The following LYPLAL1 variants were observed in gnomAD, a reference collection of about 807,000 sequenced individuals.
LYPLAL1 encodes the protein lysophospholipase like 1.
A neutral mutation model predicts 19.7 loss-of-function variants in LYPLAL1; 23 were observed. The ratio of observed to expected loss-of-function variants is 1.17; its 90% CI spans 0.84 to 1.65. The LOEUF (loss-of-function observed/expected upper bound fraction) is 1.65. Ranked by LOEUF, LYPLAL1 falls within the 40% of genes most tolerant of loss-of-function variation. LYPLAL1 has a pLI of 0.00. For synonymous variants in LYPLAL1, 119 were observed against 96.3 expected, an observed-to-expected ratio of 1.24 and a Z score of -1.38; for missense variants, 355 against 279.4, an observed-to-expected ratio of 1.27 and a Z score of -1.93.
At chr1:219,390,786 C>A in the LYPLAL1 span, among the ~76,000 whole-genome samples, 5 of 152,086 alleles carry the variant, frequency 3.3e-5, no homozygotes, top group East Asian at 9.6e-4. Flanking sequence ...AAATTTGTTA[C>A]CTTTTTATCT....
chr1:219,293,285 G>A, the LYPLAL1 span, among the ~76,000 whole-genome samples: 1 of 152,068 alleles, frequency 6.6e-6, no homozygotes, highest in Non-Finnish European at 1.5e-5. Context: ...AAAAGGGTGA[G>A]AGAGATAGTA....
chr1:219,210,897 T>G (rs1232916572), intron 4 of LYPLAL1, among the ~76,000 whole-genome samples: 1 of 152,086 alleles, frequency 6.6e-6, no homozygotes, highest in Non-Finnish European at 1.5e-5. Flanking sequence ...GATAATCATG[T>G]GTGTGGTTGT....
Position 219,199,219 on chromosome 1 carries a change from C to T in LYPLAL1, c.361+5968C>T, listed in dbSNP as rs563219703. Reference sequence around the variant, plus strand: ...TTCTTTTAGGTATGATTAGAATATCCGAAGATAAGTTAGAAACTCCTCTTT... The same window carrying T: ...TTCTTTTAGGTATGATTAGAATATCTGAAGATAAGTTAGAAACTCCTCTTT... On this transcript the variant is annotated intron_variant, in intron 3 of 4. Transcript: ENST00000366928. 8.5e-5 allele frequency among the ~76,000 whole-genome samples: 13 copies of T among 152,146 alleles called. No individual in the cohort carries two copies. The East Asian group carries it at 1.2e-3, about 14-fold the overall frequency.
At chr1:219,194,325 C>T (rs779969445) in intron 3 of LYPLAL1, among the ~76,000 whole-genome samples, 1 of 149,970 alleles carries the variant, frequency 6.7e-6, no homozygotes, top group Non-Finnish European at 1.5e-5. Context: ...CCAACTTAGT[C>T]TAGGGGATTA....
At chr1:219,238,332 T>A in the LYPLAL1 span, among the ~76,000 whole-genome samples, 1 of 85,536 alleles carries the variant, frequency 1.2e-5, no homozygotes, top group South Asian at 3.8e-4. Context: ...TTTTTTTTTT[T>A]AGTAGAGACG....
At chr1:219,306,843 G>GATAC in the LYPLAL1 span, among the ~76,000 whole-genome samples, 1 of 138,044 alleles carries the variant, frequency 7.2e-6, no homozygotes, top group Non-Finnish European at 1.6e-5. Context: ...TAGATAGATA[G>GATAC]ATAGATAGAC....
the LYPLAL1 span, among the ~76,000 whole-genome samples, chr1:219,232,581 C>T: frequency 1.3e-5 from 2 of 152,100 alleles, no homozygotes; most frequent in Admixed American, 6.6e-5. Context: ...AGGATACTAT[C>T]AACAAGTGAA....
intron 1 of LYPLAL1, among the ~76,000 whole-genome samples, chr1:219,175,476 G>A (rs964364798): frequency 3.3e-5 from 5 of 152,010 alleles, no homozygotes; most frequent in African/African-American, 9.7e-5. Context: ...TTATCTTTAG[G>A]AAGAACTCCT....
At chr1:219,418,760 G>C in the LYPLAL1 span, among the ~76,000 whole-genome samples, 1 of 152,106 alleles carries the variant, frequency 6.6e-6, no homozygotes, top group Non-Finnish European at 1.5e-5. Flanking sequence ...ATATAAAGTA[G>C]TTTCACTGCT....
At chr1:219,343,870 T>C in the LYPLAL1 span, among the ~76,000 whole-genome samples, 1 of 152,162 alleles carries the variant, frequency 6.6e-6, no homozygotes, top group Non-Finnish European at 1.5e-5. Context: ...ACCATTCCTT[T>C]TTTTTTCTTC....
the LYPLAL1 span, among the ~76,000 whole-genome samples, chr1:219,414,869 G>A: frequency 6.6e-6 from 1 of 152,116 alleles, no homozygotes; most frequent in Non-Finnish European, 1.5e-5. Context: ...GTAGGCAAGG[G>A]TCCTACCGCT....
chr1:219,389,275 C>A, the LYPLAL1 span, among the ~76,000 whole-genome samples: 1 of 152,074 alleles, frequency 6.6e-6, no homozygotes, highest in African/African-American at 2.4e-5. Context: ...TGATACATGT[C>A]TTTTCTAGTT....
chr1:219,306,585 T>G, the LYPLAL1 span, among the ~76,000 whole-genome samples: 3 of 152,052 alleles, frequency 2.0e-5, no homozygotes, highest in Non-Finnish European at 4.4e-5. Flanking sequence ...CACTGGCTCT[T>G]CCTGGGTCTC....
the LYPLAL1 span, among the ~76,000 whole-genome samples, chr1:219,443,241 A>G: frequency 5.5e-3 from 831 of 152,286 alleles, 5 homozygotes; most frequent in Non-Finnish European, 1.0e-2. Context: ...AATGTATCAA[A>G]TATTTATTGA....
At chr1:219,398,450 C>T in the LYPLAL1 span, among the ~76,000 whole-genome samples, 55 of 152,268 alleles carry the variant, frequency 3.6e-4, no homozygotes, top group Admixed American at 3.0e-3. Flanking sequence ...TGTCAGCTCC[C>T]GCATCATTTT....
the LYPLAL1 span, among the ~76,000 whole-genome samples, chr1:219,280,918 G>A: frequency 4.2e-4 from 64 of 152,198 alleles, no homozygotes; most frequent in African/African-American, 1.5e-3. Flanking sequence ...GTGTGGCGGC[G>A]GGCGCCTGTA....
the LYPLAL1 span, among the ~76,000 whole-genome samples, chr1:219,290,028 A>G: frequency 6.6e-6 from 1 of 152,232 alleles, no homozygotes; most frequent in Non-Finnish European, 1.5e-5. Context: ...GGTAAGCAGC[A>G]AAATCCTGGA....
the LYPLAL1 span, among the ~76,000 whole-genome samples, chr1:219,414,644 G>A: frequency 2.6e-5 from 4 of 152,108 alleles, no homozygotes; most frequent in Admixed American, 6.5e-5. Context: ...CTTTTATTTC[G>A]TGGTTTTAAT....
the LYPLAL1 span, among the ~76,000 whole-genome samples, chr1:219,274,850 A>C: frequency 1.3e-5 from 2 of 152,210 alleles, no homozygotes; most frequent in African/African-American, 2.4e-5. Context: ...TTAAAAGTTT[A>C]CATGCCCTCC....
Sources: gnomAD v4.1 joint callset for allele counts (sites outside exome capture counted in the v4.1 genomes callset) on GRCh38, gnomAD v4.1.1 for gene constraint, MANE v1.5 for transcripts, NCBI Gene and HGNC (gene_info 2026-07-23, HGNC 2026-07-21) for gene names.